The following POMZP3 variants were observed in gnomAD, a reference collection of about 807,000 sequenced individuals.
POMZP3 encodes the protein POM121 and ZP3 fusion protein.
In POMZP3, 10 loss-of-function variants were observed where a neutral mutation model predicts 19.8. The ratio of observed to expected loss-of-function variants is 0.51; its 90% CI spans 0.31 to 0.86. The LOEUF is 0.86. Among genes scored for constraint, POMZP3 ranks in the 40% least tolerant of loss-of-function variants. POMZP3 has a pLI of 0.04. For missense variants in POMZP3, 152 were observed against 228.1 expected, an observed-to-expected ratio of 0.67 and a Z score of 2.15; for synonymous variants, 57 against 85.8, an observed-to-expected ratio of 0.66 and a Z score of 1.85.
At chr7:76,613,398 C>T (rs1394691608) in intron 4 of POMZP3, among the ~76,000 whole-genome samples, 3 of 127,532 alleles carry the variant, frequency 2.4e-5, no homozygotes, top group Non-Finnish European at 3.5e-5. Context: ...TACCCACCCT[C>T]GTTAGACAAG....
chr7:76,625,914 G>A lies in POMZP3; in HGVS notation c.65+86C>T, dbSNP rs138888576. ...AGCAGATTCGTCCTTTCTTTTTTGC[G>A]TTGTAGTCATGTTGTCATAGGAACA... On this transcript the variant is annotated intron_variant, in intron 2 of 6. Coordinates refer to ENST00000310842, the MANE Select transcript of POMZP3 (RefSeq NM_012230.5). 38 of 1,573,474 alleles carry A rather than the reference G, an allele frequency of 2.4e-5. 1 individual carries two copies. The highest frequency in any genetic ancestry group is 3.0e-5 in the Non-Finnish European group (35 of 1,154,382).
intron 3 of POMZP3, among the ~76,000 whole-genome samples, chr7:76,622,298 T>C (rs1234569192): frequency 6.6e-6 from 1 of 151,714 alleles, no homozygotes; most frequent in Non-Finnish European, 1.5e-5. Context: ...CCCTGAATTC[T>C]TTCTTGCGTG....
Position 76,611,579 on chromosome 7 carries a change from C to T in POMZP3, c.450G>A (p.Val150=), listed in dbSNP as rs1410563171. 8 of 1,599,260 alleles carry T rather than the reference C, an allele frequency of 5.0e-6. No individual in the cohort carries two copies. The highest frequency in any genetic ancestry group is 1.7e-5 in the Admixed American group (1 of 58,998). Residue 150 remains valine (V), a synonymous_variant, in exon 6 of 7, where the codon GTG becomes GTA. Coordinates refer to ENST00000310842, the MANE Select transcript of POMZP3 (RefSeq NM_012230.5). The part of the protein sequence containing the change: ...FSKPSNSWFP[V]EGLADICQCC... Reference sequence around the variant, plus strand: ...ATTGACAGATGTCAGCCAGGCCTTCCACTGGGAACCAGCTGAGATGAAAGA... The same window carrying T: ...ATTGACAGATGTCAGCCAGGCCTTCTACTGGGAACCAGCTGAGATGAAAGA...
intron 3 of POMZP3, among the ~76,000 whole-genome samples, chr7:76,623,180 T>C (rs1437346254): frequency 1.6e-5 from 2 of 124,146 alleles, no homozygotes; most frequent in East Asian, 2.1e-4. Context: ...CCCAAATTGA[T>C]TGTGGTTTTT....
intron 3 of POMZP3, chr7:76,621,040 T>G (rs1815531989): frequency 6.7e-6 from 1 of 149,224 alleles, no homozygotes; most frequent in African/African-American, 2.6e-5. Context: ...GGCTAATTTT[T>G]TTTTTTGTAT....
chr7:76,618,521 T>C (rs1815373908), intron 3 of POMZP3: 1 of 618,566 alleles, frequency 1.6e-6, no homozygotes, highest in South Asian at 1.9e-5. Context: ...CTCGGGAGGC[T>C]GAGGCAGGAG....
At chr7:76,625,370 C>G in intron 3 of POMZP3, 152 bp downstream of exon 3, 2 of 1,244,144 alleles carry the variant, frequency 1.6e-6, no homozygotes, top group Non-Finnish European at 2.3e-6. Context: ...ATTAAAACCC[C>G]TGTTATTAGG....
chr7:76,610,806 G>A (rs759703602), intron 6 of POMZP3, among the ~76,000 whole-genome samples: 30 of 150,352 alleles, frequency 2.0e-4, no homozygotes, highest in Non-Finnish European at 3.1e-4. Context: ...GGGCTCAAGC[G>A]ATTTCCCTGG....
intron 4 of POMZP3, among the ~76,000 whole-genome samples, chr7:76,617,327 A>C (rs1815321149): frequency 1.0e-5 from 1 of 96,326 alleles, no homozygotes; most frequent in Non-Finnish European, 2.2e-5. Flanking sequence ...TGGTCCTGGC[A>C]CCTGCACTTC....
rs577661622 is a variant in POMZP3 at position 76,620,812 on chromosome 7, A to AAGATAAT, written c.228-2519_228-2513dup. On this transcript the variant is annotated intron_variant, in intron 3 of 6. Coordinates refer to ENST00000310842, the MANE Select transcript of POMZP3 (RefSeq NM_012230.5). Reference sequence around the variant, plus strand: ...TGTTCCAAGGGGCTGGGACTTACATAAGATAATTATTTGGGGAAGACTGGT... The same window carrying AAGATAAT: ...TGTTCCAAGGGGCTGGGACTTACATAAGATAATAGATAATTATTTGGGGAAGACTGGT... 0.011 allele frequency among the ~76,000 whole-genome samples: 1,606 copies of AAGATAAT among 149,196 alleles called. 68 individuals are homozygous for AAGATAAT. The East Asian group carries it at 0.12, about 11-fold the overall frequency.
chr7:76,626,804 C>G lies in POMZP3; in HGVS notation c.-248G>C, dbSNP rs867024417. The G allele has an allele frequency of 8.2e-5, 72 of 881,552 alleles. No individual in the cohort carries two copies. Among genetic ancestry groups the G allele is most frequent in the Admixed American group, 3.8e-4 (7 of 18,370 alleles). 54.6% of individuals were successfully genotyped at this position (881,552 alleles called of 1,614,324 possible). ...GGTCGGCGGGGAGGGCGGTGTGGAG[C>G]GCGGCGCCGGGCGGGCGGGCGGCGG... is the stretch of plus-strand genomic sequence containing the variant. On this transcript the variant is annotated 5_prime_UTR_variant, in exon 1 of 7. Coordinates refer to ENST00000310842, the MANE Select transcript of POMZP3 (RefSeq NM_012230.5).
intron 2 of POMZP3, 78 bp from the exon 3 acceptor site, chr7:76,625,761 C>G: frequency 6.6e-7 from 1 of 1,510,396 alleles, no homozygotes; most frequent in Non-Finnish European, 9.0e-7. Context: ...CAGAAGCTAA[C>G]CAACAAGCCA....
At chr7:76,613,384 C>T (rs553512161) in intron 4 of POMZP3, among the ~76,000 whole-genome samples, 4 of 124,696 alleles carry the variant, frequency 3.2e-5, no homozygotes, top group South Asian at 3.2e-4. Context: ...CTCTGGGAAA[C>T]GTTTACCCAC....
intron 3 of POMZP3, among the ~76,000 whole-genome samples, chr7:76,619,337 G>A (rs576523737): frequency 3.3e-5 from 5 of 152,204 alleles, no homozygotes; most frequent in African/African-American, 7.2e-5. Flanking sequence ...GCAGTGAGCC[G>A]AGATCGTGCC....
Position 76,627,276 on chromosome 7 carries a change from A to C in POMZP3, c.-720T>G. 2 of 1,330,816 alleles carry C rather than the reference A, an allele frequency of 1.5e-6. No homozygotes were observed. The highest frequency in any genetic ancestry group is 1.9e-6 in the Non-Finnish European group (2 of 1,030,986). The allele number at this position is 1,330,816 out of a possible 1,614,324, so 82.4% of individuals were successfully genotyped here. The stretch of plus-strand genomic sequence containing the variant: ...ATCGCGGCTCCGCGCCGCGGAGGAG[A>C]CTTAAATATCCCAGCGTGCACCGCG... On this transcript the variant is annotated 5_prime_UTR_variant, in exon 1 of 7. Coordinates refer to ENST00000310842, the MANE Select transcript of POMZP3 (RefSeq NM_012230.5).
At chr7:76,611,681 C>T (rs924701861) in intron 5 of POMZP3, 41 bp downstream of exon 5, 17 of 1,517,982 alleles carry the variant, frequency 1.1e-5, no homozygotes, top group Middle Eastern at 1.8e-4. Flanking sequence ...AAGGGGTCGC[C>T]GATTCAGTTT....
chr7:76,619,335 C>T (rs554863676), intron 3 of POMZP3, among the ~76,000 whole-genome samples: 1 of 152,062 alleles, frequency 6.6e-6, no homozygotes. Context: ...TTGCAGTGAG[C>T]CGAGATCGTG....
intron 3 of POMZP3, among the ~76,000 whole-genome samples, chr7:76,618,959 T>A (rs28643416): frequency 0.25 from 37,873 of 152,018 alleles, 5,255 homozygotes; most frequent in Middle Eastern, 0.46. Flanking sequence ...GGCCGATTTT[T>A]GTATTTTTTG....
rs1584335671 is a variant in POMZP3 at position 76,610,028 on chromosome 7, G to A, written c.*199C>T. The A allele has an allele frequency of 1.2e-6, 1 of 850,670 alleles. No homozygotes were observed. Among genetic ancestry groups the A allele is most frequent in the East Asian group, 2.7e-5 (1 of 37,620 alleles). The allele number at this position is 850,670 out of a possible 1,614,324, so 52.7% of individuals were successfully genotyped here. ...ATTCGGAAGCAGACACAGGGTGGGAGGCAGTGCGACACCTCCTGGTGAGAA... is the reference window on the plus strand; with the variant it reads ...ATTCGGAAGCAGACACAGGGTGGGAAGCAGTGCGACACCTCCTGGTGAGAA... On this transcript the variant is annotated 3_prime_UTR_variant, in exon 7 of 7. Transcript: ENST00000310842.
Sources: gnomAD v4.1 joint callset for allele counts (sites outside exome capture counted in the v4.1 genomes callset) on GRCh38, gnomAD v4.1.1 for gene constraint, MANE v1.5 for transcripts, NCBI Gene and HGNC (gene_info 2026-07-23, HGNC 2026-07-21) for gene names.